Variants in ZNF160 observed in about 807,000 individuals in gnomAD.
ZNF160 encodes the protein zinc finger protein 160, also known as KRAB zinc finger protein KR18.
In ZNF160, 9 loss-of-function variants were observed where a neutral mutation model predicts 13.1. The ratio of observed to expected loss-of-function variants is 0.69; its 90% CI spans 0.41 to 1.20. ZNF160 has a LOEUF of 1.20. Among genes scored for constraint, ZNF160 ranks in the 50% most tolerant of loss-of-function variants. ZNF160 has a pLI of 0.01. For missense variants in ZNF160, 838 were observed against 988.0 expected, an observed-to-expected ratio of 0.85 and a Z score of 2.04; for synonymous variants, 293 against 333.2, an observed-to-expected ratio of 0.88 and a Z score of 1.31.
chr19:53,071,260 G>A (rs1017945994), intron 5 of ZNF160, among the ~76,000 whole-genome samples: 21 of 151,652 alleles, frequency 1.4e-4, no homozygotes, highest in African/African-American at 4.8e-4. Context: ...ATACTCAAGA[G>A]GCTGAGGGTG....
intron 1 of ZNF160, among the ~76,000 whole-genome samples, chr19:53,098,711 G>T (rs1272380482): frequency 6.6e-6 from 1 of 151,510 alleles, no homozygotes; most frequent in Non-Finnish European, 1.5e-5. Flanking sequence ...TTCCTGAAGG[G>T]AATCCAGGAC....
chr19:53,069,367 T>C lies in ZNF160; in HGVS notation c.1167A>G (p.Arg389=). 1 of 1,614,006 alleles carries C rather than the reference T, an allele frequency of 6.2e-7. No homozygotes were observed. The highest frequency in any genetic ancestry group is 8.5e-7 in the Non-Finnish European group (1 of 1,179,936). The change falls in exon 6 of 6, where the codon AGA becomes AGG. Residue 389 remains arginine (R), a synonymous_variant. Coordinates refer to ENST00000683776, the MANE Select transcript of ZNF160 (RefSeq NM_001322131.2). The surrounding 1 kb of genome is among the most constrained non-coding windows in gnomAD (Gnocchi z 4.4). ...TQNSHLISHW[R]IHTGEKPYKC... Reference sequence around the variant, plus strand: ...TGTAAGGTTTCTCTCCAGTGTGAATTCTCCAATGACTTATAAGGTGTGAAT... The same window carrying C: ...TGTAAGGTTTCTCTCCAGTGTGAATCCTCCAATGACTTATAAGGTGTGAAT...
intron 3 of ZNF160, among the ~76,000 whole-genome samples, chr19:53,081,912 T>C (rs1568489833): frequency 1.3e-5 from 2 of 152,202 alleles, no homozygotes; most frequent in African/African-American, 4.8e-5. Context: ...ATAGTAGACA[T>C]ATACCCTATG....
intron 5 of ZNF160, among the ~76,000 whole-genome samples, chr19:53,070,470 G>C (rs113487237): frequency 0.012 from 1,858 of 152,070 alleles, 42 homozygotes; most frequent in African/African-American, 0.042. Flanking sequence ...GAGTGCAGTG[G>C]TGTGATCTTG....
Position 53,075,175 on chromosome 19 carries a change from C to G in ZNF160, c.24G>C (p.Leu8Phe), listed in dbSNP as rs145465295. 288 of 1,613,858 alleles carry G rather than the reference C, an allele frequency of 1.8e-4. No homozygotes were observed. Among genetic ancestry groups the G allele is most frequent in the Non-Finnish European group, 2.2e-4 (263 of 1,179,950 alleles). Residue 8 changes from leucine to phenylalanine, a missense_variant, in exon 4 of 6, where the codon TTG (leucine) becomes TTC (phenylalanine). Transcript: ENST00000683776. ...ATTCTATGGCCACATCCCTAAATGT[C>G]AACCGTACCTAAAATGAAAAACACA... is the stretch of plus-strand genomic sequence containing the variant. MALTQVR[L>F]TFRDVAIEFS...
intron 2 of ZNF160, among the ~76,000 whole-genome samples, chr19:53,087,117 C>G (rs2084865817): frequency 6.6e-6 from 1 of 152,186 alleles, no homozygotes; most frequent in East Asian, 1.9e-4. Flanking sequence ...TCACTTGCAG[C>G]TGAGAGGCCA....
intron 1 of ZNF160, among the ~76,000 whole-genome samples, chr19:53,093,393 C>T (rs548205736): frequency 1.3e-5 from 2 of 152,062 alleles, no homozygotes; most frequent in East Asian, 1.9e-4. Context: ...GAGCCAAGAT[C>T]GTGCCACTGC....
At chr19:53,096,020 C>T (rs1432439702) in intron 1 of ZNF160, among the ~76,000 whole-genome samples, 1 of 152,100 alleles carries the variant, frequency 6.6e-6, no homozygotes, top group Admixed American at 6.5e-5. Flanking sequence ...GAGTTCAAGA[C>T]CAGCTGACCA....
chr19:53,080,144 T>C (rs933050037), intron 3 of ZNF160, among the ~76,000 whole-genome samples: 8 of 151,918 alleles, frequency 5.3e-5, no homozygotes, highest in African/African-American at 1.5e-4. Flanking sequence ...TTCGCTCTTG[T>C]TGCCCAGGCT....
At chr19:53,099,418 G>C in intron 1 of ZNF160, among the ~76,000 whole-genome samples, 1 of 148,398 alleles carries the variant, frequency 6.7e-6, no homozygotes, top group Non-Finnish European at 1.5e-5. Flanking sequence ...GAGGAGGCTG[G>C]ACACTGGCAG....
At chr19:53,074,335 T>C (rs2084298994) in intron 4 of ZNF160, 67 bp from the exon 5 acceptor site, 4 of 1,589,236 alleles carry the variant, frequency 2.5e-6, no homozygotes, top group East Asian at 2.2e-5. Flanking sequence ...TATGTTTACA[T>C]GAGAGGACAT....
intron 3 of ZNF160, among the ~76,000 whole-genome samples, chr19:53,078,675 C>T (rs1301290995): frequency 6.6e-6 from 1 of 151,900 alleles, no homozygotes; most frequent in East Asian, 1.9e-4. Context: ...GGAACACCAT[C>T]ATGTGGTCAA....
At chr19:53,078,019 A>G (rs1027686376) in intron 3 of ZNF160, among the ~76,000 whole-genome samples, 2 of 152,186 alleles carry the variant, frequency 1.3e-5, no homozygotes, top group African/African-American at 2.4e-5. Flanking sequence ...AGGCGGGCGG[A>G]TCACGAGGTC....
At chr19:53,087,140 C>A (rs1390169143) in intron 2 of ZNF160, among the ~76,000 whole-genome samples, 2 of 152,134 alleles carry the variant, frequency 1.3e-5, no homozygotes, top group African/African-American at 4.8e-5. Context: ...GAGTTCTAGG[C>A]AGAGGGCCAG....
chr19:53,089,862 G>A (rs984687991), intron 2 of ZNF160, among the ~76,000 whole-genome samples: 2 of 148,182 alleles, frequency 1.3e-5, no homozygotes, highest in African/African-American at 5.0e-5. Context: ...TCCTCATTTT[G>A]AGCCCCTCTC....
At chr19:53,093,958 T>G (rs4801953) in intron 1 of ZNF160, among the ~76,000 whole-genome samples, 1 of 151,890 alleles carries the variant, frequency 6.6e-6, no homozygotes, top group Non-Finnish European at 1.5e-5. Flanking sequence ...TCCCTTACAA[T>G]TGTGTAATAG....
At chr19:53,081,671 G>A (rs951576123) in intron 3 of ZNF160, among the ~76,000 whole-genome samples, 1 of 152,052 alleles carries the variant, frequency 6.6e-6, no homozygotes, top group African/African-American at 2.4e-5. Flanking sequence ...TACACTTATG[G>A]GAATGCAAAT....
At chr19:53,077,991 C>T (rs572095888) in intron 3 of ZNF160, among the ~76,000 whole-genome samples, 1 of 152,268 alleles carries the variant, frequency 6.6e-6, no homozygotes, top group African/African-American at 2.4e-5. Flanking sequence ...CCTGTAATCC[C>T]AGCACTTTGG....
At position 53,103,412 on chromosome 19, in the gene ZNF160, C is replaced by T. The variant is rs2146133489; in HGVS notation, c.-501G>A. 6.6e-6 allele frequency: 1 copy of T among 152,530 alleles called. No individual in the cohort carries two copies. Among genetic ancestry groups the T allele is most frequent in the South Asian group, 2.1e-4 (1 of 4,856 alleles). The allele number at this position is 152,530 out of a possible 1,614,324, so 9.4% of individuals were successfully genotyped here. ...TGTGATGCTTGCTCCGCACGATCCA[C>T]TTCCGGGTCTGTGGGCAACTGCGCG... On this transcript the variant is annotated 5_prime_UTR_variant, in exon 1 of 6. It adds an upstream start codon to the 5' untranslated region. Transcript: ENST00000683776.
Sources: gnomAD v4.1 joint callset for allele counts (sites outside exome capture counted in the v4.1 genomes callset) on GRCh38, gnomAD v4.1.1 for gene constraint, Gnocchi (gnomAD v3.1) non-coding constraint, MANE v1.5 for transcripts, NCBI Gene and HGNC (gene_info 2026-07-23, HGNC 2026-07-21) for gene names.